GPC6: variants seen among roughly 807,000 people sequenced by gnomAD.
GPC6 encodes glypican 6.
Under a neutral mutation model 55.2 loss-of-function variants are expected in GPC6, and 14 were observed. The ratio of observed to expected loss-of-function variants is 0.25; its 90% CI spans 0.17 to 0.40. The LOEUF (loss-of-function observed/expected upper bound fraction) is 0.40, where lower values mean the gene tolerates loss of function less well. Ranked by LOEUF, GPC6 falls within the 10% of genes least tolerant of loss-of-function variation. The pLI is 1.00. For missense variants in GPC6, 641 were observed against 708.5 expected, an observed-to-expected ratio of 0.90 and a Z score of 1.08; for synonymous variants, 278 against 259.6, an observed-to-expected ratio of 1.07 and a Z score of -0.68.
rs568557011 is a variant in GPC6 at position 93,672,476 on chromosome 13, G to A, written c.319+127055G>A. Among the ~76,000 whole-genome samples, 16 of 151,746 alleles carry A rather than the reference G, an allele frequency of 1.1e-4. No individual in the cohort carries two copies. The South Asian group carries it at 1.7e-3, about 16-fold the overall frequency. Reference sequence around the variant, plus strand: ...CCAAGTTAAAGTATGTTTTTTTGATGATATGTAGAAAAAGAAAGTAAAATA... The same window carrying A: ...CCAAGTTAAAGTATGTTTTTTTGATAATATGTAGAAAAAGAAAGTAAAATA... On this transcript the variant is annotated intron_variant, in intron 2 of 8. Coordinates refer to ENST00000377047, the MANE Select transcript of GPC6 (RefSeq NM_005708.5).
chr13:94,063,543 G>C (rs1271550043), intron 4 of GPC6, among the ~76,000 whole-genome samples: 2 of 152,124 alleles, frequency 1.3e-5, no homozygotes, highest in African/African-American at 4.8e-5. Flanking sequence ...GCTTGGTTTT[G>C]TTTGTTTGTA....
chr13:94,016,220 T>C (rs539915370), intron 3 of GPC6, among the ~76,000 whole-genome samples: 1 of 152,372 alleles, frequency 6.6e-6, no homozygotes, highest in African/African-American at 2.4e-5. Context: ...TAGGATTTCT[T>C]TCTTTTTTAA....
rs1272281266 is a variant in GPC6, at chr13:93,227,925, C to T, written c.160+309C>T. On this transcript the variant is annotated intron_variant, in intron 1 of 8. Coordinates refer to ENST00000377047, the MANE Select transcript of GPC6 (RefSeq NM_005708.5). The surrounding 1 kb of genome is among the most constrained non-coding windows in gnomAD (Gnocchi z 4.3). ...GCCCGGCTGGCCAGGGAGCCCGGGT[C>T]ACTCCGGGGCGGCTGCAAGGCGCAG... Among the ~76,000 whole-genome samples the T allele has an allele frequency of 6.6e-6, 1 of 152,164 alleles. No homozygotes were observed. The highest frequency in any genetic ancestry group is 2.4e-5 in the African/African-American group (1 of 41,468).
At chr13:94,318,386 C>T (rs1876648378) in intron 6 of GPC6, among the ~76,000 whole-genome samples, 1 of 152,074 alleles carries the variant, frequency 6.6e-6, no homozygotes, top group Admixed American at 6.5e-5. Flanking sequence ...ACATACATAC[C>T]TATGATAAAG....
intron 5 of GPC6, among the ~76,000 whole-genome samples, chr13:94,294,345 G>T (rs149036163): frequency 6.6e-6 from 1 of 151,208 alleles, no homozygotes; most frequent in South Asian, 2.1e-4. Context: ...TACTACCGAC[G>T]AGGGTAGAAC....
chr13:93,256,041 G>A (rs1232575258), intron 1 of GPC6, among the ~76,000 whole-genome samples: 1 of 151,964 alleles, frequency 6.6e-6, no homozygotes, highest in African/African-American at 2.4e-5. Flanking sequence ...TAGGGAGGCT[G>A]AGGTATAAGA....
At chr13:93,688,855 A>G (rs917483127) in intron 2 of GPC6, among the ~76,000 whole-genome samples, 2 of 152,168 alleles carry the variant, frequency 1.3e-5, no homozygotes, top group East Asian at 1.9e-4. Flanking sequence ...AGTGATGGTT[A>G]CACAACATTG....
chr13:93,624,968 G>C (rs1021571625), intron 2 of GPC6, among the ~76,000 whole-genome samples: 1 of 152,144 alleles, frequency 6.6e-6, no homozygotes, highest in African/African-American at 2.4e-5. Flanking sequence ...AGAGAAAGTG[G>C]TTTCTGGCAA....
chr13:93,615,338 TATTAAGAA>T (rs1878666325), intron 2 of GPC6, among the ~76,000 whole-genome samples: 1 of 152,178 alleles, frequency 6.6e-6, no homozygotes, highest in Admixed American at 6.5e-5. Flanking sequence ...TACTTGATCC[TATTAAGAA>T]ATTCTGAATT....
At chr13:93,981,356 T>C (rs1488641573) in intron 3 of GPC6, among the ~76,000 whole-genome samples, 2 of 152,214 alleles carry the variant, frequency 1.3e-5, no homozygotes, top group Non-Finnish European at 2.9e-5. Context: ...TTTAAATCTA[T>C]GGAAAGTTTT....
chr13:94,112,785 T>C (rs1368964219), intron 4 of GPC6, among the ~76,000 whole-genome samples: 1 of 152,180 alleles, frequency 6.6e-6, no homozygotes, highest in East Asian at 1.9e-4. Flanking sequence ...TTTTATTTTC[T>C]TTTTATTTTT....
intron 2 of GPC6, among the ~76,000 whole-genome samples, chr13:93,783,459 C>T (rs578039717): frequency 1.7e-4 from 26 of 152,168 alleles, no homozygotes; most frequent in African/African-American, 5.5e-4. Context: ...AGTGTAAAAG[C>T]GTTCCTGTTT....
At chr13:93,724,492 TTA>T (rs1275376199) in intron 2 of GPC6, among the ~76,000 whole-genome samples, 3 of 152,008 alleles carry the variant, frequency 2.0e-5, no homozygotes, top group Non-Finnish European at 4.4e-5. Flanking sequence ...ATTCTTCATC[TTA>T]TATGTTTGTT....
At chr13:93,581,129 A>G (rs1356325624) in intron 2 of GPC6, among the ~76,000 whole-genome samples, 2 of 152,208 alleles carry the variant, frequency 1.3e-5, no homozygotes, top group African/African-American at 4.8e-5. Flanking sequence ...AAGGTCACTC[A>G]TTGTAAAAAC....
chr13:93,906,249 A>G (rs1876660772), intron 3 of GPC6, among the ~76,000 whole-genome samples: 1 of 152,000 alleles, frequency 6.6e-6, no homozygotes, highest in Non-Finnish European at 1.5e-5. Flanking sequence ...ACCTACTAAA[A>G]ATGGCCATAG....
chr13:94,193,050 G>A (rs906921028), intron 4 of GPC6, among the ~76,000 whole-genome samples: 10 of 145,306 alleles, frequency 6.9e-5, no homozygotes, highest in South Asian at 2.3e-4. Flanking sequence ...CACTTGAAAC[G>A]GTGAGACTCC....
chr13:94,386,644 G>A (rs79882640), intron 7 of GPC6, among the ~76,000 whole-genome samples: 8,550 of 152,184 alleles, frequency 0.056, 341 homozygotes, highest in Non-Finnish European at 0.091. Context: ...AATCCATCAC[G>A]TATTAATAGA....
chr13:93,813,338 G>A (rs545518407), intron 2 of GPC6, among the ~76,000 whole-genome samples: 73 of 152,220 alleles, frequency 4.8e-4, no homozygotes, highest in South Asian at 3.5e-3. Flanking sequence ...AGAATCGCTT[G>A]AACTTGGAGG....
chr13:93,423,859 G>A (rs1877019606), intron 1 of GPC6, among the ~76,000 whole-genome samples: 1 of 151,950 alleles, frequency 6.6e-6, no homozygotes, highest in African/African-American at 2.4e-5. Context: ...TGGCAAATGT[G>A]GGACAGTTTA....
Sources: allele counts gnomAD v4.1 joint callset (sites outside exome capture counted in the v4.1 genomes callset), GRCh38; gene constraint gnomAD v4.1.1; non-coding constraint Gnocchi (gnomAD v3.1); transcripts MANE v1.5; gene names NCBI Gene and HGNC (gene_info 2026-07-23, HGNC 2026-07-21).